Variants in EXOC1 observed in about 807,000 individuals in gnomAD.
EXOC1 encodes the protein SEC3-like 1.
EXOC1 carries 67 observed loss-of-function variants against 107.7 expected under a neutral mutation model. The ratio of observed to expected loss-of-function variants is 0.62; its 90% CI spans 0.51 to 0.76. The LOEUF (loss-of-function observed/expected upper bound fraction) is 0.76, where lower values mean the gene tolerates loss of function less well. Among genes scored for constraint, EXOC1 ranks in the 30% least tolerant of loss-of-function variants. The pLI is 0.00. For missense variants in EXOC1, 833 were observed against 1,055.7 expected, an observed-to-expected ratio of 0.79 and a Z score of 2.92; for synonymous variants, 348 against 353.5, an observed-to-expected ratio of 0.98 and a Z score of 0.17.
chr4:55,882,268 G>A (rs1381146337), intron 9 of EXOC1, among the ~76,000 whole-genome samples: 2 of 152,122 alleles, frequency 1.3e-5, no homozygotes, highest in Non-Finnish European at 2.9e-5. Context: ...AGCCTCCTGA[G>A]TAGCTGGGAC....
chr4:55,871,787 A>G, intron 7 of EXOC1, 62 bp from the exon 8 acceptor site: 1 of 1,465,036 alleles, frequency 6.8e-7, no homozygotes, highest in Admixed American at 1.8e-5. Context: ...TTAATGTTCC[A>G]TTAAACATCA....
chr4:55,878,374 G>GC (rs772047008), intron 9 of EXOC1, among the ~76,000 whole-genome samples: 1 of 152,156 alleles, frequency 6.6e-6, no homozygotes, highest in Non-Finnish European at 1.5e-5. Flanking sequence ...TATGAGCATT[G>GC]CAAGTGAGGT....
At chr4:55,894,783 C>G (rs372940628) in intron 15 of EXOC1, among the ~76,000 whole-genome samples, 9 of 151,964 alleles carry the variant, frequency 5.9e-5, no homozygotes, top group African/African-American at 2.2e-4. Context: ...CCACCACGCC[C>G]TGCTAGTTTT....
At chr4:55,867,677 ATGT>A (rs1302382929) in intron 4 of EXOC1, among the ~76,000 whole-genome samples, 13 of 152,114 alleles carry the variant, frequency 8.5e-5, no homozygotes, top group African/African-American at 2.4e-5. Context: ...TCAAACAGCC[ATGT>A]TGTTGTTGCT....
rs1377714178 is a variant in EXOC1 at position 55,883,808 on chromosome 4, T to G, written c.1225-15T>G. On this transcript the variant is annotated splice_polypyrimidine_tract_variant and intron_variant, in intron 9 of 18. Transcript: ENST00000381295. ...TGTTTTATTAATAAGAAGTACATGT[T>G]ACTTTTATTTTAAGAATTACATGGA... 1 of 1,478,562 alleles carries G rather than the reference T, an allele frequency of 6.8e-7. No individual in the cohort carries two copies. Among genetic ancestry groups the G allele is most frequent in the Non-Finnish European group, 9.2e-7 (1 of 1,083,356 alleles). 91.6% of individuals were successfully genotyped at this position (1,478,562 alleles called of 1,614,324 possible).
chr4:55,903,970 T>C (rs530025539), intron 18 of EXOC1, among the ~76,000 whole-genome samples: 1 of 152,310 alleles, frequency 6.6e-6, no homozygotes, highest in African/African-American at 2.4e-5. Flanking sequence ...CTATACATAA[T>C]TGTGCATATC....
At chr4:55,860,656 T>A in intron 3 of EXOC1, 115 bp downstream of exon 3, 1 of 1,324,954 alleles carries the variant, frequency 7.5e-7, no homozygotes, top group Non-Finnish European at 1.0e-6. Context: ...TTTGTTTTCT[T>A]ATTTTTTTGC....
At chr4:55,891,458 A>G (rs368992154) in intron 13 of EXOC1, 36 bp downstream of exon 13, 43 of 1,345,426 alleles carry the variant, frequency 3.2e-5, no homozygotes, top group Non-Finnish European at 4.5e-5. Flanking sequence ...AGTATTTATG[A>G]TCTGTAATAT....
intron 15 of EXOC1, among the ~76,000 whole-genome samples, 179 bp from the exon 16 acceptor site, chr4:55,896,538 C>A (rs1725228115): frequency 6.6e-6 from 1 of 152,118 alleles, no homozygotes; most frequent in South Asian, 2.1e-4. Flanking sequence ...TCTTAGTTAT[C>A]CTTGTTTTGA....
Position 55,877,997 on chromosome 4 carries a change from G to T in EXOC1, c.1155G>T (p.Leu385Phe), listed in dbSNP as rs746644323. The change falls in exon 9 of 19, where the codon TTG becomes TTT. Residue 385 changes from leucine (L) to phenylalanine (F), a missense_variant. Leu to Phe is a conservative substitution (Grantham distance 22). This residue lies in a region of EXOC1 where 617 missense variants were observed against 701.3 expected (regional missense o/e 0.88). Coordinates refer to ENST00000381295, the MANE Select transcript of EXOC1 (RefSeq NM_001024924.2). The part of the protein sequence containing the change: ...LPNHHPFHRD[L>F]LRYAKLMEWL... ...ATCATCATCCATTTCATAGAGATTT[G>T]CTCCGATATGCCAAGCTGATGGAGT... The T allele has an allele frequency of 6.2e-7, 1 of 1,613,780 alleles. No homozygotes were observed. The highest frequency in any genetic ancestry group is 1.1e-5 in the South Asian group (1 of 91,072).
chr4:55,881,805 C>T (rs1723406853), intron 9 of EXOC1, among the ~76,000 whole-genome samples: 2 of 152,158 alleles, frequency 1.3e-5, no homozygotes, highest in Non-Finnish European at 2.9e-5. Context: ...CCAAGCAGTT[C>T]CCAGCTTGAC....
chr4:55,889,326 TGA>T (rs142717947), intron 11 of EXOC1, among the ~76,000 whole-genome samples: 7,960 of 152,272 alleles, frequency 0.052, 304 homozygotes, highest in Non-Finnish European at 0.081. Flanking sequence ...ACAAGTTAAC[TGA>T]GAGATATTCA....
In EXOC1 at chr4:55,871,943, T is replaced by A. The variant is rs752997635; in HGVS notation, c.1059T>A (p.Asn353Lys). The A allele has an allele frequency of 3.7e-6, 6 of 1,613,452 alleles. No homozygotes were observed. The East Asian group carries it at 1.3e-4, about 36-fold the overall frequency. Residue 353 changes from asparagine (N) to lysine (K), a missense_variant, in exon 8 of 19, where the codon AAT becomes AAA. Transcript: ENST00000381295. Reference sequence around the variant, plus strand: ...GGAGACTGGCCAGTCACCTCAACAATGTTTTTGTTCAACAGGTAATTTTAT... The same window carrying A: ...GGAGACTGGCCAGTCACCTCAACAAAGTTTTTGTTCAACAGGTAATTTTAT... ...FARRLASHLN[N>K]VFVQQGHDQS...
At position 55,883,817 on chromosome 4, in the gene EXOC1, T is replaced by A; in HGVS notation, c.1225-6T>A. The A allele has an allele frequency of 6.5e-7, 1 of 1,534,510 alleles. No individual in the cohort carries two copies. Among genetic ancestry groups the A allele is most frequent in the Non-Finnish European group, 8.8e-7 (1 of 1,131,910 alleles). ...AATAAGAAGTACATGTTACTTTTAT[T>A]TTAAGAATTACATGGATTATTTATC... On this transcript the variant is annotated splice_polypyrimidine_tract_variant and splice_region_variant and intron_variant, in intron 9 of 18. Coordinates refer to ENST00000381295, the MANE Select transcript of EXOC1 (RefSeq NM_001024924.2).
At position 55,896,846 on chromosome 4, in the gene EXOC1, C is replaced by T; in HGVS notation, c.2083C>T (p.Arg695Cys). 1 of 1,610,712 alleles carries T rather than the reference C, an allele frequency of 6.2e-7. No individual in the cohort carries two copies. The highest frequency in any genetic ancestry group is 8.5e-7 in the Non-Finnish European group (1 of 1,178,958). ...AESIFKNAER[R>C]GDLDKAYTKL... ...ATCAATCTTCAAAAATGCTGAGCGTCGTGGAGACCTGGATAAAGCATACAC... is the reference window on the plus strand; with the variant it reads ...ATCAATCTTCAAAAATGCTGAGCGTTGTGGAGACCTGGATAAAGCATACAC... The change falls in exon 16 of 19, where the codon CGT (arginine) becomes TGT (cysteine). Residue 695 changes from arginine (R) to cysteine (C), a missense_variant. Arg to Cys is a radical substitution (Grantham distance 180). Around this residue, in one of 2 missense-constraint regions of EXOC1, gnomAD observed 216 missense variants for 354.4 expected, o/e 0.61. Transcript: ENST00000381295.
intron 1 of EXOC1, among the ~76,000 whole-genome samples, chr4:55,855,540 T>TA (rs1720881096): frequency 6.6e-6 from 1 of 152,162 alleles, no homozygotes; most frequent in Admixed American, 6.5e-5. Context: ...GTCCTACTTT[T>TA]AATAGGGGAT....
chr4:55,877,457 A>G (rs1231868045), intron 8 of EXOC1: 1 of 985,132 alleles, frequency 1.0e-6, no homozygotes, highest in Non-Finnish European at 1.2e-6. Flanking sequence ...AAGACTTTAT[A>G]TTCTACTTTT....
chr4:55,895,419 T>G (rs1165339470), intron 15 of EXOC1, among the ~76,000 whole-genome samples: 1 of 152,182 alleles, frequency 6.6e-6, no homozygotes, highest in African/African-American at 2.4e-5. Context: ...TACCACTACC[T>G]TTTCTACTGC....
chr4:55,856,385 A>C (rs1444753816), intron 1 of EXOC1, among the ~76,000 whole-genome samples: 1 of 152,234 alleles, frequency 6.6e-6, no homozygotes, highest in Non-Finnish European at 1.5e-5. Flanking sequence ...TTAAGAGAAC[A>C]GAAAGAAGGG....
Sources: allele counts gnomAD v4.1 joint callset (sites outside exome capture counted in the v4.1 genomes callset), GRCh38; gene constraint gnomAD v4.1.1; regional missense constraint gnomAD v4.1.1; transcripts MANE v1.5; gene names NCBI Gene and HGNC (gene_info 2026-07-23, HGNC 2026-07-21).